Variants in MBNL2 observed in about 807,000 individuals in gnomAD.
MBNL2 encodes the protein muscleblind-like protein 2.
Under a neutral mutation model 41.9 loss-of-function variants are expected in MBNL2, and 17 were observed. The observed-to-expected ratio is 0.41, with a 90% CI of 0.28 to 0.61. The LOEUF is 0.61. Among genes scored for constraint, MBNL2 ranks in the 20% least tolerant of loss-of-function variants. MBNL2 has a pLI of 0.35. For missense variants in MBNL2, 336 were observed against 505.6 expected, an observed-to-expected ratio of 0.66 and a Z score of 3.22; for synonymous variants, 195 against 182.9, an observed-to-expected ratio of 1.07 and a Z score of -0.53.
chr13:97,287,941 T>TTC (rs1196813328), intron 2 of MBNL2, among the ~76,000 whole-genome samples: 113 of 143,744 alleles, frequency 7.9e-4, no homozygotes, highest in Non-Finnish European at 8.6e-4. Context: ...TTTGTTTTGT[T>TTC]TTTTTTTTTT....
chr13:97,158,595 G>A, the MBNL2 span, among the ~76,000 whole-genome samples: 1 of 150,980 alleles, frequency 6.6e-6, no homozygotes, highest in South Asian at 2.1e-4. Flanking sequence ...GGTATGTTGT[G>A]TCTTTGTTCT....
At chr13:97,221,418 T>C (rs2040849423), upstream of MBNL2, 1 of 151,486 alleles carries the variant, frequency 6.6e-6, no homozygotes, top group Admixed American at 6.6e-5. Context: ...AAACTTTCTC[T>C]TCTTCTGCTT....
chr13:97,287,026 G>A (rs1594153302), intron 2 of MBNL2, among the ~76,000 whole-genome samples: 1 of 152,136 alleles, frequency 6.6e-6, no homozygotes, highest in South Asian at 2.1e-4. Context: ...GATTCTAACT[G>A]TTCCAATAAA....
chr13:97,268,004 G>A lies in MBNL2; in HGVS notation c.-604-7628G>A, dbSNP rs556211706. Among the ~76,000 whole-genome samples the A allele has an allele frequency of 1.3e-5, 2 of 152,328 alleles. No individual in the cohort carries two copies. Among genetic ancestry groups the A allele is most frequent in the Admixed American group, 1.3e-4 (2 of 15,302 alleles). ...TGGCTTGTTAAAACACAGATTGCTCGTCCTCGTTGTCAGGGTATCTGATCC... is the reference window on the plus strand; with the variant it reads ...TGGCTTGTTAAAACACAGATTGCTCATCCTCGTTGTCAGGGTATCTGATCC... On this transcript the variant is annotated intron_variant, in intron 1 of 8. Coordinates refer to ENST00000679496, the MANE Select transcript of MBNL2 (RefSeq NM_001382683.1). The surrounding 1 kb of genome is among the most constrained non-coding windows in gnomAD (Gnocchi z 4.6).
At chr13:97,376,158 GAA>G (rs1255614599) in intron 8 of MBNL2, among the ~76,000 whole-genome samples, 1 of 152,142 alleles carries the variant, frequency 6.6e-6, no homozygotes, top group Non-Finnish European at 1.5e-5. Flanking sequence ...GGGATAGAGA[GAA>G]AAGAGAACAT....
chr13:97,271,112 G>GTTT (rs369155404), intron 1 of MBNL2, among the ~76,000 whole-genome samples: 26 of 133,404 alleles, frequency 1.9e-4, no homozygotes, highest in African/African-American at 4.7e-4. Context: ...GCTCTTTTTT[G>GTTT]TTTTTTTTTT....
chr13:97,298,830 A>G (rs1388805772), intron 2 of MBNL2, among the ~76,000 whole-genome samples: 1 of 152,196 alleles, frequency 6.6e-6, no homozygotes, highest in Non-Finnish European at 1.5e-5. Context: ...AATACACGGC[A>G]TTAAGGATTG....
chr13:97,269,886 TAG>T (rs747271787), intron 1 of MBNL2, among the ~76,000 whole-genome samples: 53 of 152,156 alleles, frequency 3.5e-4, no homozygotes, highest in Non-Finnish European at 6.9e-4. Flanking sequence ...GGAACTATCG[TAG>T]AGAGAGAGGA....
intron 1 of MBNL2, among the ~76,000 whole-genome samples, chr13:97,272,302 GT>G (rs1158795101): frequency 6.6e-6 from 1 of 152,084 alleles, no homozygotes; most frequent in African/African-American, 2.4e-5. Context: ...GGGATTGTTT[GT>G]TTTTTTCTTG....
intron 8 of MBNL2, among the ~76,000 whole-genome samples, chr13:97,376,979 A>G (rs528606533): frequency 8.5e-5 from 13 of 152,220 alleles, no homozygotes; most frequent in Non-Finnish European, 1.9e-4. Context: ...CCTTCCCAAC[A>G]CTGCCTTCCT....
chr13:97,190,717 A>G, the MBNL2 span, among the ~76,000 whole-genome samples: 1 of 152,324 alleles, frequency 6.6e-6, no homozygotes, highest in East Asian at 1.9e-4. Context: ...ACTGAGTTAT[A>G]AAGGGCTAAC....
the MBNL2 span, among the ~76,000 whole-genome samples, chr13:97,164,959 C>T: frequency 1.3e-5 from 2 of 152,180 alleles, no homozygotes; most frequent in Admixed American, 6.5e-5. Flanking sequence ...AATCCCAGCA[C>T]TTTGAGAGGC....
the MBNL2 span, among the ~76,000 whole-genome samples, chr13:97,165,925 AG>A: frequency 2.0e-5 from 3 of 152,200 alleles, no homozygotes; most frequent in African/African-American, 7.2e-5. Context: ...AGGAGCTGTA[AG>A]CTATTACTTT....
At chr13:97,220,435 C>T (rs1377362730), upstream of MBNL2, among the ~76,000 whole-genome samples, 15 of 152,050 alleles carry the variant, frequency 9.9e-5, no homozygotes, top group Non-Finnish European at 1.5e-4. Context: ...AAGCTGAGGT[C>T]TAAAGATTGA....
chr13:97,236,323 G>A (rs1179577087), intron 1 of MBNL2, among the ~76,000 whole-genome samples: 2 of 152,080 alleles, frequency 1.3e-5, no homozygotes, highest in African/African-American at 4.8e-5. Flanking sequence ...GAACGAAGGG[G>A]TTAATTTAAA....
intron 1 of MBNL2, among the ~76,000 whole-genome samples, chr13:97,239,218 C>G (rs182726774): frequency 6.6e-6 from 1 of 152,332 alleles, no homozygotes; most frequent in Admixed American, 6.5e-5. Context: ...TACAGGGTAT[C>G]AGCAAAGGCT....
At chr13:97,356,268 G>A (rs562628475) in intron 5 of MBNL2, among the ~76,000 whole-genome samples, 56 of 152,050 alleles carry the variant, frequency 3.7e-4, no homozygotes, top group Admixed American at 9.8e-4. Flanking sequence ...GTCTCAGTTC[G>A]CCACTTCATT....
chr13:97,259,000 G>T (rs997335056), intron 1 of MBNL2, among the ~76,000 whole-genome samples: 1 of 152,170 alleles, frequency 6.6e-6, no homozygotes, highest in Admixed American at 6.5e-5. Context: ...AGGTTCATGT[G>T]ACTCAAAAAT....
rs2063854136 is a variant in MBNL2, at chr13:97,366,506, A to G, written c.1048+1335A>G. Reference sequence around the variant, plus strand: ...GTCCGCCACTGTCTCTGCAGCAACAACTCCTGCAACAAGTGTCCCCTTCGC... The same window carrying G: ...GTCCGCCACTGTCTCTGCAGCAACAGCTCCTGCAACAAGTGTCCCCTTCGC... On this transcript the variant is annotated intron_variant, in intron 8 of 8. Coordinates refer to ENST00000679496, the MANE Select transcript of MBNL2 (RefSeq NM_001382683.1). This position sits in a 1 kb window ranked among gnomAD's most constrained non-coding sequence, Gnocchi z 4.7. 6.2e-7 allele frequency: 1 copy of G among 1,612,908 alleles called. No individual in the cohort carries two copies. The highest frequency in any genetic ancestry group is 8.5e-7 in the Non-Finnish European group (1 of 1,179,298).
Sources: gnomAD v4.1 joint callset for allele counts (sites outside exome capture counted in the v4.1 genomes callset) on GRCh38, gnomAD v4.1.1 for gene constraint, Gnocchi (gnomAD v3.1) non-coding constraint, MANE v1.5 for transcripts, NCBI Gene and HGNC (gene_info 2026-07-23, HGNC 2026-07-21) for gene names.